FAM20C: variants seen among roughly 807,000 people sequenced by gnomAD.
The protein encoded by FAM20C is extracellular serine/threonine protein kinase FAM20C.
A neutral mutation model predicts 51.5 loss-of-function variants in FAM20C; 40 were observed. That is an observed-to-expected ratio of 0.78 (90% CI 0.60 to 1.01). The LOEUF is 1.01. FAM20C is among the 50% of genes least tolerant of loss of function. The pLI, the probability that FAM20C is intolerant of heterozygous loss-of-function variation, is 0.00. For missense variants in FAM20C, 861 were observed against 844.7 expected (o/e 1.02, Z -0.24); for synonymous variants, 406 against 380.6 (o/e 1.07, Z -0.78).
intron 3 of FAM20C, among the ~76,000 whole-genome samples, chr7:219,725 G>A (rs62430303): frequency 0.02 from 3,117 of 152,310 alleles, 102 homozygotes; most frequent in African/African-American, 0.071. Context: ...GGGTAAGGAC[G>A]GGGAGGGCAG....
rs1359912411 is a variant in FAM20C, at chr7:258,013, G to GCCC, written c.1446-633_1446-632insCCC. Among the ~76,000 whole-genome samples, 16 of 40,686 alleles carry GCCC rather than the reference G, an allele frequency of 3.9e-4. 3 individuals carry two copies. The highest frequency in any genetic ancestry group is 1.3e-3 in the African/African-American group (11 of 8,454). 26.7% of individuals were successfully genotyped at this position (40,686 alleles called of 152,430 possible). ...ACCCACTGCCTGGGGTGCTGGAGAT[G>GCCC]GGGCTGGGTGGACCCACTGCCCGGG... On this transcript the variant is annotated intron_variant, in intron 8 of 9. Coordinates refer to ENST00000313766, the MANE Select transcript of FAM20C (RefSeq NM_020223.4).
intron 2 of FAM20C, 35 bp downstream of exon 2, chr7:195,767 G>A: frequency 1.3e-6 from 2 of 1,505,652 alleles, no homozygotes; most frequent in Non-Finnish European, 1.8e-6. Context: ...GGCCGTCTGT[G>A]TGCCGGCTGT....
chr7:205,843 C>T (rs1249444445), intron 2 of FAM20C, among the ~76,000 whole-genome samples: 10 of 152,112 alleles, frequency 6.6e-5, no homozygotes, highest in Non-Finnish European at 1.3e-4. Context: ...AGGCCCCCCA[C>T]GAAGCCCGCT....
chr7:208,675 C>A (rs1011017223), intron 2 of FAM20C, among the ~76,000 whole-genome samples: 3 of 151,124 alleles, frequency 2.0e-5, no homozygotes, highest in Non-Finnish European at 4.4e-5. Context: ...GGTCTGTGGT[C>A]AGCATGGAGA....
chr7:224,189 G>A (rs1038692335), intron 3 of FAM20C, among the ~76,000 whole-genome samples: 15 of 133,608 alleles, frequency 1.1e-4, no homozygotes, highest in Admixed American at 5.1e-4. Flanking sequence ...GAACGGCACC[G>A]TCACGGGGTC....
intron 2 of FAM20C, among the ~76,000 whole-genome samples, chr7:197,758 C>T (rs1045488157): frequency 6.6e-6 from 1 of 152,186 alleles, no homozygotes; most frequent in Non-Finnish European, 1.5e-5. Context: ...GTCAGCTTTC[C>T]AACACCAACA....
In FAM20C at chr7:206,796, G is replaced by A. The variant is rs868150069; in HGVS notation, c.785-2102G>A. ...ACGGTCCCCTCGGCCCCGCACACGT[G>A]TCCACTGTGACGCGTCGGTCACTGT... On this transcript the variant is annotated intron_variant, in intron 2 of 9. Coordinates refer to ENST00000313766, the MANE Select transcript of FAM20C (RefSeq NM_020223.4). 8.8e-4 allele frequency among the ~76,000 whole-genome samples: 87 copies of A among 98,834 alleles called. 9 individuals carry two copies. The highest frequency in any genetic ancestry group is 7.1e-3 in the East Asian group (14 of 1,968). The allele number at this position is 98,834 out of a possible 152,430, so 64.8% of individuals were successfully genotyped here.
chr7:232,137 C>T (rs936134021), intron 3 of FAM20C, among the ~76,000 whole-genome samples: 1 of 152,234 alleles, frequency 6.6e-6, no homozygotes, highest in South Asian at 2.1e-4. Context: ...TGGGTAGCAG[C>T]GGGAGCAAGG....
chr7:221,001 G>T (rs1787238217), intron 3 of FAM20C, among the ~76,000 whole-genome samples: 1 of 94,430 alleles, frequency 1.1e-5, no homozygotes, highest in South Asian at 5.0e-4. Flanking sequence ...CAGGGCAGGG[G>T]GCTGCAGGAG....
chr7:199,136 C>T (rs1378105682), intron 2 of FAM20C, among the ~76,000 whole-genome samples: 1 of 152,252 alleles, frequency 6.6e-6, no homozygotes, highest in Non-Finnish European at 1.5e-5. Flanking sequence ...GACCTGCTTG[C>T]TGACCCCGCT....
At chr7:217,384 G>GACCTCC (rs1787032829) in intron 3 of FAM20C, among the ~76,000 whole-genome samples, 1 of 151,686 alleles carries the variant, frequency 6.6e-6, no homozygotes. Flanking sequence ...GGCTGTGGGT[G>GACCTCC]AGCTCCAGCC....
At chr7:252,899 T>C (rs1310976933) in intron 5 of FAM20C, among the ~76,000 whole-genome samples, 1 of 152,258 alleles carries the variant, frequency 6.6e-6, no homozygotes, top group Non-Finnish European at 1.5e-5. Flanking sequence ...GTCTGCACGT[T>C]GCAAACGTCC....
chr7:207,441 G>A (rs1659890901), intron 2 of FAM20C, among the ~76,000 whole-genome samples: 1 of 152,232 alleles, frequency 6.6e-6, no homozygotes, highest in South Asian at 2.1e-4. Flanking sequence ...TCCTCTGCTG[G>A]GTCATGCCGT....
At chr7:230,632 C>T (rs1411723514) in intron 3 of FAM20C, among the ~76,000 whole-genome samples, 8 of 152,138 alleles carry the variant, frequency 5.3e-5, no homozygotes, top group South Asian at 2.1e-4. Flanking sequence ...GGTGGAAAAA[C>T]GCCTGCCCCA....
rs894282810 is a variant in FAM20C, at chr7:253,732, G to A, written c.1073-2117G>A. 4.3e-5 allele frequency among the ~76,000 whole-genome samples: 6 copies of A among 138,458 alleles called. No homozygotes were observed. In the East Asian group the frequency reaches 9.7e-4, roughly 22 times the overall value. 90.8% of individuals were successfully genotyped at this position (138,458 alleles called of 152,430 possible). A position where few individuals can be genotyped will look rare whatever the true frequency, so the allele number is the denominator to read the frequency against. ...CACAGCTCCAAGCCCTCCTAACCCC[G>A]CCCGGGAGGCCCCTTTAATACCCGA... On this transcript the variant is annotated intron_variant, in intron 5 of 9. Coordinates refer to ENST00000313766, the MANE Select transcript of FAM20C (RefSeq NM_020223.4).
rs556779335 is a variant in FAM20C, at chr7:193,436, C to T, written c.237C>T (p.Asp79=). 6 of 1,424,636 alleles carry T rather than the reference C, an allele frequency of 4.2e-6. No homozygotes were observed. The highest frequency in any genetic ancestry group is 5.6e-6 in the Non-Finnish European group (6 of 1,078,408). The allele number at this position is 1,424,636 out of a possible 1,614,324, so 88.2% of individuals were successfully genotyped here. The change falls in exon 1 of 10, where the codon GAC becomes GAT. Residue 79 remains aspartate, a synonymous_variant. Coordinates refer to ENST00000313766, the MANE Select transcript of FAM20C (RefSeq NM_020223.4). ...EPPAASSAAG[D]AGWPNKHTLR... ...CGGCCGCCTCCTCCGCCGCCGGCGA[C>T]GCGGGCTGGCCCAACAAGCACACGC...
chr7:193,815 G>A lies in FAM20C; in HGVS notation c.605+11G>A. On this transcript the variant is annotated intron_variant, in intron 1 of 9. Coordinates refer to ENST00000313766, the MANE Select transcript of FAM20C (RefSeq NM_020223.4). ...GGAGAACCCGGACTGGTGAGTGGGG[G>A]CTGGCAGGTGCCCACCCCCAAGGGA... The A allele has an allele frequency of 6.4e-7, 1 of 1,553,136 alleles. No individual in the cohort carries two copies. The highest frequency in any genetic ancestry group is 8.7e-7 in the Non-Finnish European group (1 of 1,148,660).
chr7:241,556 TTG>T (rs1221493976), intron 3 of FAM20C, among the ~76,000 whole-genome samples: 17,609 of 148,064 alleles, frequency 0.12, 1,103 homozygotes, highest in Non-Finnish European at 0.13. Flanking sequence ...TCTGTGGGGG[TTG>T]TGTGTGTGTG....
At chr7:217,529 C>A (rs1451269201) in intron 3 of FAM20C, among the ~76,000 whole-genome samples, 1 of 138,016 alleles carries the variant, frequency 7.2e-6, no homozygotes, top group Non-Finnish European at 1.6e-5. Flanking sequence ...TCGGGCTTGG[C>A]TTGAGGTTAG....
Sources: gnomAD v4.1 joint callset for allele counts (sites outside exome capture counted in the v4.1 genomes callset) on GRCh38, gnomAD v4.1.1 for gene constraint, MANE v1.5 for transcripts, NCBI Gene and HGNC (gene_info 2026-07-23, HGNC 2026-07-21) for gene names.